The following ST8SIA6 variants were observed in gnomAD, a reference collection of about 807,000 sequenced individuals.
The protein encoded by ST8SIA6 is alpha-2,8-sialyltransferase 8F.
A neutral mutation model predicts 33.6 loss-of-function variants in ST8SIA6; 39 were observed. The ratio of observed to expected loss-of-function variants is 1.16; its 90% CI spans 0.90 to 1.52. The LOEUF (loss-of-function observed/expected upper bound fraction) is 1.52, where lower values mean the gene tolerates loss of function less well. Ranked by LOEUF, ST8SIA6 falls within the 40% of genes most tolerant of loss-of-function variation. The pLI, the probability that ST8SIA6 is intolerant of heterozygous loss-of-function variation, is 0.00. For missense variants in ST8SIA6, 441 were observed against 443.8 expected, an observed-to-expected ratio of 0.99 and a Z score of 0.06; for synonymous variants, 172 against 167.2, an observed-to-expected ratio of 1.03 and a Z score of -0.22.
intron 2 of ST8SIA6, among the ~76,000 whole-genome samples, chr10:17,437,206 C>T (rs1852296339): frequency 1.3e-5 from 2 of 152,176 alleles, no homozygotes; most frequent in Non-Finnish European, 2.9e-5. Flanking sequence ...TTGCCTCAGG[C>T]TGGAGTGCAG....
intron 2 of ST8SIA6, among the ~76,000 whole-genome samples, chr10:17,400,884 C>T (rs1225844678): frequency 6.6e-6 from 1 of 152,166 alleles, no homozygotes; most frequent in Non-Finnish European, 1.5e-5. Flanking sequence ...CAGGGATGCC[C>T]TCCTTCACCA....
rs1211644725 is a variant in ST8SIA6 at position 17,325,808 on chromosome 10, TAGAC to T, written c.635+1202_635+1205del. Among the ~76,000 whole-genome samples, 11 of 152,268 alleles carry T rather than the reference TAGAC, an allele frequency of 7.2e-5. No individual in the cohort carries two copies. The South Asian group carries it at 2.1e-3, about 29-fold the overall frequency. ...TCAGCAAGTGTGGAATCTAGAAACATAGACAGTTATTTTAGAATTATAAGTGAAA... is the reference window on the plus strand; with the variant it reads ...TCAGCAAGTGTGGAATCTAGAAACATAGTTATTTTAGAATTATAAGTGAAA... On this transcript the variant is annotated intron_variant, in intron 6 of 7. Coordinates refer to ENST00000377602, the MANE Select transcript of ST8SIA6 (RefSeq NM_001004470.3).
intron 4 of ST8SIA6, among the ~76,000 whole-genome samples, chr10:17,348,375 G>A (rs750392909): frequency 6.6e-6 from 1 of 152,144 alleles, no homozygotes; most frequent in African/African-American, 2.4e-5. Flanking sequence ...TAAGGGAAAT[G>A]TTCGTGGTAT....
intron 4 of ST8SIA6, among the ~76,000 whole-genome samples, chr10:17,352,096 G>C (rs1025139061): frequency 9.9e-5 from 15 of 151,876 alleles, no homozygotes; most frequent in African/African-American, 3.6e-4. Context: ...TAATTAGCTT[G>C]ATATAATTAT....
intron 4 of ST8SIA6, among the ~76,000 whole-genome samples, chr10:17,353,918 G>A (rs1163220220): frequency 6.6e-6 from 1 of 152,142 alleles, no homozygotes; most frequent in Non-Finnish European, 1.5e-5. Flanking sequence ...AAATAATAGT[G>A]TGTGTATTTC....
intron 7 of ST8SIA6, among the ~76,000 whole-genome samples, chr10:17,321,932 A>T (rs1044856853): frequency 1.3e-5 from 2 of 151,958 alleles, no homozygotes; most frequent in African/African-American, 4.8e-5. Context: ...CCCGCCCCAC[A>T]TCTCTATAAA....
chr10:17,353,940 C>T (rs1287200611), intron 4 of ST8SIA6, among the ~76,000 whole-genome samples: 1 of 152,008 alleles, frequency 6.6e-6, no homozygotes, highest in African/African-American at 2.4e-5. Context: ...GGGTTGGGGG[C>T]GGGAAGAAAG....
rs1199134443 is a variant in ST8SIA6 at position 17,346,285 on chromosome 10, G to C, written c.377+13229C>G. 2.6e-5 allele frequency among the ~76,000 whole-genome samples: 4 copies of C among 152,202 alleles called. No homozygotes were observed. In the East Asian group the frequency reaches 7.7e-4, roughly 29 times the overall value. Reference sequence around the variant, plus strand: ...GGCGAGCTCTCAGATGACTCCAGTGGACTGCAACCCTATGAAAGCCCTCCA... The same window carrying C: ...GGCGAGCTCTCAGATGACTCCAGTGCACTGCAACCCTATGAAAGCCCTCCA... On this transcript the variant is annotated intron_variant, in intron 4 of 7. Coordinates refer to ENST00000377602, the MANE Select transcript of ST8SIA6 (RefSeq NM_001004470.3).
At chr10:17,349,244 G>T (rs1377029391) in intron 4 of ST8SIA6, among the ~76,000 whole-genome samples, 4 of 152,158 alleles carry the variant, frequency 2.6e-5, no homozygotes, top group African/African-American at 9.7e-5. Context: ...CATATGAAAT[G>T]ATCACAAAAG....
rs1459323174 is a variant in ST8SIA6 at position 17,322,209 on chromosome 10, AAGAG to A, written c.728+852_728+855del. ...GAGAAAGAGAGACAGAAAGGAAAGA[AAGAG>A]AAAGAAAAGAAAGAAAGAAAAAGAA... is the stretch of plus-strand genomic sequence containing the variant. On this transcript the variant is annotated intron_variant, in intron 7 of 7. Coordinates refer to ENST00000377602, the MANE Select transcript of ST8SIA6 (RefSeq NM_001004470.3). 8.9e-5 allele frequency among the ~76,000 whole-genome samples: 13 copies of A among 146,302 alleles called. No individual in the cohort carries two copies. The East Asian group carries it at 2.1e-3, about 24-fold the overall frequency.
chr10:17,449,098 A>G (rs372446282), intron 2 of ST8SIA6, among the ~76,000 whole-genome samples: 2 of 150,574 alleles, frequency 1.3e-5, no homozygotes, highest in East Asian at 1.9e-4. Flanking sequence ...AAACATATAT[A>G]GAAACTGAAG....
At chr10:17,445,732 C>T (rs896044537) in intron 2 of ST8SIA6, among the ~76,000 whole-genome samples, 1 of 152,132 alleles carries the variant, frequency 6.6e-6, no homozygotes, top group Non-Finnish European at 1.5e-5. Flanking sequence ...CTACATAATA[C>T]AGCAACACTG....
At chr10:17,382,208 A>G (rs1850174495) in intron 3 of ST8SIA6, among the ~76,000 whole-genome samples, 1 of 152,126 alleles carries the variant, frequency 6.6e-6, no homozygotes, top group East Asian at 1.9e-4. Context: ...TAAATAATAG[A>G]TATTTCATAT....
intron 2 of ST8SIA6, among the ~76,000 whole-genome samples, chr10:17,443,022 C>A (rs1852558576): frequency 6.6e-6 from 1 of 152,140 alleles, no homozygotes; most frequent in Non-Finnish European, 1.5e-5. Flanking sequence ...GTATAATGTT[C>A]CCTAGATATA....
intron 4 of ST8SIA6, among the ~76,000 whole-genome samples, chr10:17,339,841 C>T (rs932754528): frequency 2.0e-5 from 3 of 152,178 alleles, no homozygotes; most frequent in Non-Finnish European, 4.4e-5. Context: ...ACATATGACA[C>T]GTTCATTCAC....
At chr10:17,330,332 C>A (rs1210227881) in intron 5 of ST8SIA6, among the ~76,000 whole-genome samples, 1 of 152,148 alleles carries the variant, frequency 6.6e-6, no homozygotes, top group Non-Finnish European at 1.5e-5. Flanking sequence ...AGTGAAAGGG[C>A]TCACTGTCAA....
Position 17,318,788 on chromosome 10 carries a change from T to TA in ST8SIA6, c.*2089dup, listed in dbSNP as rs1219985679. The TA allele has an allele frequency of 2.2e-6, 1 of 463,540 alleles. No homozygotes were observed. The highest frequency in any genetic ancestry group is 4.4e-6 in the Non-Finnish European group (1 of 225,466). 28.7% of individuals were successfully genotyped at this position (463,540 alleles called of 1,614,324 possible). A position where few individuals can be genotyped will look rare whatever the true frequency, so the allele number is the denominator to read the frequency against. ...ATACAGAACAAAAAGAACTGTGACTTACGTTTTACAGTTTACATAGCTGAC... is the reference window on the plus strand; with the variant it reads ...ATACAGAACAAAAAGAACTGTGACTTAACGTTTTACAGTTTACATAGCTGAC... On this transcript the variant is annotated 3_prime_UTR_variant, in exon 8 of 8. Coordinates refer to ENST00000377602, the MANE Select transcript of ST8SIA6 (RefSeq NM_001004470.3).
chr10:17,341,213 A>G (rs1375427168), intron 4 of ST8SIA6, among the ~76,000 whole-genome samples: 3 of 152,280 alleles, frequency 2.0e-5, no homozygotes, highest in African/African-American at 7.2e-5. Context: ...AGATACATAC[A>G]ACTCTATAAT....
At chr10:17,382,225 A>G (rs1850174935) in intron 3 of ST8SIA6, among the ~76,000 whole-genome samples, 1 of 151,458 alleles carries the variant, frequency 6.6e-6, no homozygotes, top group Admixed American at 6.6e-5. Context: ...ATATTTGGGA[A>G]TTTTCCAATA....
Sources: gnomAD v4.1 joint callset for allele counts (sites outside exome capture counted in the v4.1 genomes callset) on GRCh38, gnomAD v4.1.1 for gene constraint, MANE v1.5 for transcripts, NCBI Gene and HGNC (gene_info 2026-07-23, HGNC 2026-07-21) for gene names.